The following DCAF8L2 variants were observed in gnomAD, a reference collection of about 807,000 sequenced individuals.
The protein encoded by DCAF8L2 is DDB1- and CUL4-associated factor 8-like protein 2.
For synonymous variants in DCAF8L2, 200 were observed against 190.9 expected, an observed-to-expected ratio of 1.05 and a Z score of -0.39; for missense variants, 430 against 490.7, an observed-to-expected ratio of 0.88 and a Z score of 1.17.
intron 4 of DCAF8L2, among the ~76,000 whole-genome samples, chrX:27,736,346 A>G (rs1921518488): frequency 9.0e-6 from 1 of 111,673 alleles, no homozygotes. Context: ...TTTTATCTGC[A>G]CTATTCTGAT....
chrX:27,648,313 A>T lies in DCAF8L2; in HGVS notation c.-220+16313A>T, dbSNP rs746505153. On this transcript the variant is annotated intron_variant, in intron 2 of 4. Coordinates refer to ENST00000451261, the MANE Select transcript of DCAF8L2 (RefSeq NM_001353450.2). ...TTACAACATAAAAATATACAAAATA[A>T]TATTCTATGTTGTTTAGGGATATGT... is the stretch of plus-strand genomic sequence containing the variant. 1.4e-4 allele frequency among the ~76,000 whole-genome samples: 16 copies of T among 110,546 alleles called. No individual in the cohort carries two copies. In the East Asian group the frequency reaches 2.5e-3, roughly 18 times the overall value.
chrX:27,582,419 C>A, the DCAF8L2 span, among the ~76,000 whole-genome samples: 2 of 111,107 alleles, frequency 1.8e-5, no homozygotes, highest in African/African-American at 6.5e-5. Flanking sequence ...GTCTCTTCAT[C>A]TCCTCCAATG....
the DCAF8L2 span, among the ~76,000 whole-genome samples, chrX:27,497,235 T>C: frequency 8.9e-6 from 1 of 112,224 alleles, no homozygotes; most frequent in African/African-American, 3.2e-5. Flanking sequence ...TAAGTAAAAC[T>C]GTGGATTGTA....
intron 4 of DCAF8L2, among the ~76,000 whole-genome samples, chrX:27,741,530 T>C (rs760755931): frequency 1.4e-4 from 15 of 108,752 alleles, no homozygotes; most frequent in African/African-American, 3.7e-4. Flanking sequence ...CCAGTGATAA[T>C]AGGATACAAG....
chrX:27,634,887 C>A (rs1207434532), intron 2 of DCAF8L2, among the ~76,000 whole-genome samples: 2 of 108,794 alleles, frequency 1.8e-5, no homozygotes, highest in African/African-American at 6.7e-5. Context: ...CCTAAATATT[C>A]CAAAAATCTG....
intron 2 of DCAF8L2, among the ~76,000 whole-genome samples, chrX:27,663,864 ATTTTTTT>A (rs80069253): frequency 1.0e-4 from 7 of 68,990 alleles, no homozygotes; most frequent in East Asian, 4.5e-4. Flanking sequence ...CACCTGGCTA[ATTTTTTT>A]TTTTTTTTTT....
In DCAF8L2 at chrX:27,631,966, G is replaced by C. The variant is rs1928306043; in HGVS notation, c.-254G>C. On this transcript the variant is annotated 5_prime_UTR_variant, in exon 2 of 5. Transcript: ENST00000451261. ...GCCTGGGGCTGCAGGATCCTAGTTG[G>C]TTCCTGTGACAGACCTTGGGAAGCT... 9.0e-6 allele frequency: 1 copy of C among 111,188 alleles called. No homozygotes were observed. The highest frequency in any genetic ancestry group is 1.9e-5 in the Non-Finnish European group (1 of 53,119). 9.2% of individuals were successfully genotyped at this position (111,188 alleles called of 1,213,427 possible). A position where few individuals can be genotyped will look rare whatever the true frequency, so the allele number is the denominator to read the frequency against.
the DCAF8L2 span, among the ~76,000 whole-genome samples, chrX:27,533,056 A>T: frequency 5.9e-5 from 6 of 102,136 alleles, no homozygotes; most frequent in Non-Finnish European, 1.2e-4. Flanking sequence ...CAGCCTGAGT[A>T]ATAGAGTGAG....
the DCAF8L2 span, among the ~76,000 whole-genome samples, chrX:27,540,290 C>T: frequency 6.3e-5 from 7 of 111,617 alleles, no homozygotes; most frequent in African/African-American, 2.3e-4. Flanking sequence ...TTACAGCACA[C>T]CTATTTTGGC....
the DCAF8L2 span, among the ~76,000 whole-genome samples, chrX:27,509,913 G>C: frequency 9.0e-6 from 1 of 111,448 alleles, no homozygotes; most frequent in African/African-American, 3.2e-5. Flanking sequence ...AGTTAACATA[G>C]AATGAGGAAA....
chrX:27,568,673 A>T, the DCAF8L2 span, among the ~76,000 whole-genome samples: 1 of 103,237 alleles, frequency 9.7e-6, no homozygotes, highest in Admixed American at 1.0e-4. Flanking sequence ...TTTTTTTCTG[A>T]CTCTTTTTTT....
At chrX:27,537,229 G>A in the DCAF8L2 span, among the ~76,000 whole-genome samples, 4 of 112,027 alleles carry the variant, frequency 3.6e-5, no homozygotes, top group South Asian at 3.7e-4. Flanking sequence ...AAAGGGTAGG[G>A]CACATATGAA....
At chrX:27,517,935 T>C in the DCAF8L2 span, 1 of 1,197,789 alleles carries the variant, frequency 8.3e-7, no homozygotes, top group Non-Finnish European at 1.1e-6. Context: ...AACAGTTGGT[T>C]TGCGTGAGGT....
At chrX:27,666,435 T>C (rs1929743770) in intron 2 of DCAF8L2, among the ~76,000 whole-genome samples, 1 of 111,737 alleles carries the variant, frequency 8.9e-6, no homozygotes, top group South Asian at 3.7e-4. Context: ...CATTTAACCT[T>C]CCAAGTAAAC....
At chrX:27,619,280 C>T (rs750687394) in intron 1 of DCAF8L2, among the ~76,000 whole-genome samples, 7 of 111,314 alleles carry the variant, frequency 6.3e-5, no homozygotes, top group Admixed American at 2.9e-4. Flanking sequence ...AGGGATAAGC[C>T]TTTCAGCTTT....
At chrX:27,587,676 G>A (rs1351148951), upstream of DCAF8L2, among the ~76,000 whole-genome samples, 3 of 111,116 alleles carry the variant, frequency 2.7e-5, no homozygotes, top group East Asian at 2.8e-4. Flanking sequence ...TATAACAAGA[G>A]GCTAGTTAGT....
chrX:27,478,931 T>C, the DCAF8L2 span, among the ~76,000 whole-genome samples: 1 of 111,939 alleles, frequency 8.9e-6, no homozygotes, highest in Non-Finnish European at 1.9e-5. Context: ...TTTCTCCTGG[T>C]ATTTATGCCT....
At chrX:27,585,050 TTG>T in the DCAF8L2 span, among the ~76,000 whole-genome samples, 33 of 78,870 alleles carry the variant, frequency 4.2e-4, no homozygotes, top group Admixed American at 2.1e-3. Context: ...AAAAACAATA[TTG>T]TTTTTTTTTT....
At position 27,659,621 on chromosome X, in the gene DCAF8L2, T is replaced by C. The variant is rs151219686; in HGVS notation, c.-219-18215T>C. ...TATCCTATATGTCACGTGAGCTCTC[T>C]TCATTTTTTTTTCCTATTTTGTCTA... On this transcript the variant is annotated intron_variant, in intron 2 of 4. Transcript: ENST00000451261. Among the ~76,000 whole-genome samples, 541 of 111,409 alleles carry C rather than the reference T, an allele frequency of 4.9e-3. 4 individuals are homozygous for C. Among genetic ancestry groups the C allele is most frequent in the African/African-American group, 0.016 (495 of 30,597 alleles).
Sources: allele counts gnomAD v4.1 joint callset (sites outside exome capture counted in the v4.1 genomes callset), GRCh38; gene constraint gnomAD v4.1.1; transcripts MANE v1.5; gene names NCBI Gene and HGNC (gene_info 2026-07-23, HGNC 2026-07-21).